The following HERPUD2 variants were observed in gnomAD, a reference collection of about 807,000 sequenced individuals.
HERPUD2 encodes the protein HERPUD family member 2.
Under a neutral mutation model 49.9 loss-of-function variants are expected in HERPUD2, and 13 were observed. The ratio of observed to expected loss-of-function variants is 0.26; its 90% CI spans 0.17 to 0.41. The LOEUF (loss-of-function observed/expected upper bound fraction) is 0.41, where lower values mean the gene tolerates loss of function less well. HERPUD2 is among the 10% of genes least tolerant of loss of function. The pLI is 1.00. For synonymous variants in HERPUD2, 172 were observed against 171.4 expected, an observed-to-expected ratio of 1.00 and a Z score of -0.03; for missense variants, 449 against 492.2, an observed-to-expected ratio of 0.91 and a Z score of 0.83.
In HERPUD2 at chr7:35,666,599, A is replaced by G. The variant is rs1432997358; in HGVS notation, c.494+835T>C. Among the ~76,000 whole-genome samples, 8 of 152,166 alleles carry G rather than the reference A, an allele frequency of 5.3e-5. No homozygotes were observed. In the South Asian group the frequency reaches 8.3e-4, roughly 16 times the overall value. On this transcript the variant is annotated intron_variant, in intron 5 of 8. Coordinates refer to ENST00000311350, the MANE Select transcript of HERPUD2 (RefSeq NM_022373.5). ...CAGAAATTATCACTATCTGTTACTCAAGCTTCCTTTACCTCAAAAATAACA... is the reference window on the plus strand; with the variant it reads ...CAGAAATTATCACTATCTGTTACTCGAGCTTCCTTTACCTCAAAAATAACA...
intron 3 of HERPUD2, among the ~76,000 whole-genome samples, chr7:35,671,422 C>G (rs533163578): frequency 6.6e-6 from 1 of 151,968 alleles, no homozygotes; most frequent in African/African-American, 2.4e-5. Flanking sequence ...ACAGAAGGTA[C>G]GCCTGGCAAA....
intron 2 of HERPUD2, among the ~76,000 whole-genome samples, chr7:35,683,352 A>G (rs1785956709): frequency 6.6e-6 from 1 of 152,246 alleles, no homozygotes; most frequent in Non-Finnish European, 1.5e-5. Flanking sequence ...TTGTGATGGG[A>G]TAATTGGCTA....
chr7:35,673,053 T>C lies in HERPUD2; in HGVS notation c.225+148A>G, dbSNP rs1785677099. 2.1e-5 allele frequency: 12 copies of C among 576,394 alleles called. No homozygotes were observed. In the East Asian group the frequency reaches 3.4e-4, roughly 16 times the overall value. 35.7% of individuals were successfully genotyped at this position (576,394 alleles called of 1,614,324 possible). A position where few individuals can be genotyped will look rare whatever the true frequency, so the allele number is the denominator to read the frequency against. On this transcript the variant is annotated intron_variant, in intron 3 of 8. Transcript: ENST00000311350. ...CTAAACTAATAAGAAACTATCATGT[T>C]ACTTTCTAATTTATCTTTACTTGTT...
At chr7:35,685,107 G>C (rs1052254182) in intron 2 of HERPUD2, among the ~76,000 whole-genome samples, 5 of 151,802 alleles carry the variant, frequency 3.3e-5, no homozygotes, top group Non-Finnish European at 5.9e-5. Flanking sequence ...TGGGCATGGT[G>C]GTGCATGCCT....
intron 2 of HERPUD2, among the ~76,000 whole-genome samples, chr7:35,674,780 T>C (rs1000857747): frequency 1.1e-4 from 16 of 150,848 alleles, no homozygotes; most frequent in Non-Finnish European, 4.4e-5. Context: ...CCAAAAGGAC[T>C]GAGTTCTGAG....
chr7:35,662,781 C>T (rs1479301187), intron 5 of HERPUD2, among the ~76,000 whole-genome samples: 4 of 152,010 alleles, frequency 2.6e-5, no homozygotes, highest in African/African-American at 2.4e-5. Context: ...ATTAGTCTTG[C>T]TAGTGGTCTA....
At chr7:35,665,824 T>C (rs1469573687) in intron 5 of HERPUD2, among the ~76,000 whole-genome samples, 1 of 152,252 alleles carries the variant, frequency 6.6e-6, no homozygotes, top group Non-Finnish European at 1.5e-5. Flanking sequence ...CTCAATAGCC[T>C]AGTTTAGAGA....
chr7:35,674,402 TATAGAGAGAGAGAGAGAG>T (rs1239935749), intron 2 of HERPUD2, among the ~76,000 whole-genome samples: 50 of 54,426 alleles, frequency 9.2e-4, no homozygotes, highest in African/African-American at 2.4e-3. Context: ...TATATATATA[TATAGAGAGAGAGAGAGAG>T]AGAGAGAGAG....
At chr7:35,658,374 T>C (rs1055480046) in intron 5 of HERPUD2, among the ~76,000 whole-genome samples, 2 of 152,088 alleles carry the variant, frequency 1.3e-5, no homozygotes, top group Non-Finnish European at 2.9e-5. Flanking sequence ...AGATGAAAAG[T>C]TGGTTAATGG....
intron 2 of HERPUD2, among the ~76,000 whole-genome samples, chr7:35,682,629 C>T (rs34883473): frequency 0.17 from 25,569 of 151,374 alleles, 2,678 homozygotes; most frequent in Non-Finnish European, 0.23. Flanking sequence ...CGAACTGTCG[C>T]TGTTTGACAA....
At chr7:35,693,482 C>A (rs1786237359) in intron 2 of HERPUD2, among the ~76,000 whole-genome samples, 1 of 151,648 alleles carries the variant, frequency 6.6e-6, no homozygotes, top group South Asian at 2.1e-4. Context: ...GTTTCTGGGC[C>A]AAGTGTTGAA....
At chr7:35,683,206 A>G (rs1332057071) in intron 2 of HERPUD2, among the ~76,000 whole-genome samples, 1 of 152,242 alleles carries the variant, frequency 6.6e-6, no homozygotes, top group Non-Finnish European at 1.5e-5. Context: ...ACAACATGGT[A>G]CTGATACAAA....
At chr7:35,646,675 G>GT (rs1785059722) in intron 5 of HERPUD2, among the ~76,000 whole-genome samples, 1 of 152,154 alleles carries the variant, frequency 6.6e-6, no homozygotes, top group Admixed American at 6.5e-5. Context: ...TGAGGAAAAT[G>GT]TAACTATTTG....
chr7:35,683,921 T>C (rs1785971623), intron 2 of HERPUD2, among the ~76,000 whole-genome samples: 1 of 152,160 alleles, frequency 6.6e-6, no homozygotes, highest in South Asian at 2.1e-4. Flanking sequence ...GATGTTGGCG[T>C]GGCAGCGGTG....
rs1384569017 is a variant in HERPUD2 at position 35,633,608 on chromosome 7, A to T, written c.*82T>A. On this transcript the variant is annotated 3_prime_UTR_variant, in exon 9 of 9. Transcript: ENST00000311350. ...TGTACATGATGATCAAAAGAAAGTT[A>T]TAAATTTTTTTGAAATTGCACTGTT... 10 of 1,258,478 alleles carry T rather than the reference A, an allele frequency of 7.9e-6. No homozygotes were observed. The highest frequency in any genetic ancestry group is 1.1e-5 in the Non-Finnish European group (10 of 902,956). The allele number at this position is 1,258,478 out of a possible 1,614,324, so 78.0% of individuals were successfully genotyped here. A position where few individuals can be genotyped will look rare whatever the true frequency, so the allele number is the denominator to read the frequency against.
chr7:35,661,365 CT>C (rs1331331108), intron 5 of HERPUD2, among the ~76,000 whole-genome samples: 5 of 152,228 alleles, frequency 3.3e-5, no homozygotes, highest in East Asian at 3.9e-4. Context: ...AATGCGGGCT[CT>C]TTTTTGGTTC....
intron 1 of HERPUD2, 82 bp downstream of exon 1, chr7:35,694,719 C>A (rs1786279549): frequency 9.1e-6 from 2 of 220,164 alleles, no homozygotes; most frequent in Non-Finnish European, 9.3e-6. Flanking sequence ...TGGAACGCAA[C>A]AAGGCCCCTA....
chr7:35,667,862 T>G (rs1438306627), intron 4 of HERPUD2, among the ~76,000 whole-genome samples: 1 of 152,154 alleles, frequency 6.6e-6, no homozygotes, highest in Non-Finnish European at 1.5e-5. Flanking sequence ...CATATTAAAT[T>G]CTGAGGATTA....
At chr7:35,694,022 T>C (rs933922791) in intron 2 of HERPUD2, among the ~76,000 whole-genome samples, 162 bp downstream of exon 2, 12 of 152,100 alleles carry the variant, frequency 7.9e-5, no homozygotes, top group African/African-American at 2.9e-4. Flanking sequence ...TAATGATGGT[T>C]CGAACACTCA....
Sources: gnomAD v4.1 joint callset for allele counts (sites outside exome capture counted in the v4.1 genomes callset) on GRCh38, gnomAD v4.1.1 for gene constraint, MANE v1.5 for transcripts, NCBI Gene and HGNC (gene_info 2026-07-23, HGNC 2026-07-21) for gene names.